PACSIN1: variants seen among roughly 807,000 people sequenced by gnomAD.
PACSIN1 encodes protein kinase C and casein kinase substrate in neurons protein 1.
In PACSIN1, 15 loss-of-function variants were observed where a neutral mutation model predicts 59.5. That is an observed-to-expected ratio of 0.25 (90% CI 0.17 to 0.39). PACSIN1 has a LOEUF of 0.39. Among genes scored for constraint, PACSIN1 ranks in the 10% least tolerant of loss-of-function variants. The pLI is 1.00. For missense variants in PACSIN1, 420 were observed against 580.2 expected, an observed-to-expected ratio of 0.72 and a Z score of 2.84; for synonymous variants, 210 against 220.6, an observed-to-expected ratio of 0.95 and a Z score of 0.42.
intron 1 of PACSIN1, among the ~76,000 whole-genome samples, chr6:34,505,207 G>A (rs980307015): frequency 1.3e-5 from 2 of 151,794 alleles, no homozygotes; most frequent in South Asian, 2.1e-4. Flanking sequence ...TATGTTGCTC[G>A]GCCTGTTTTT....
At chr6:34,483,264 C>T (rs992119573) in intron 1 of PACSIN1, among the ~76,000 whole-genome samples, 3 of 152,188 alleles carry the variant, frequency 2.0e-5, no homozygotes, top group African/African-American at 4.8e-5. Context: ...CCTTGGTCTC[C>T]CAAAGTGCTG....
At chr6:34,526,561 C>A (rs1380401717) in intron 2 of PACSIN1, among the ~76,000 whole-genome samples, 193 bp downstream of exon 2, 2 of 152,248 alleles carry the variant, frequency 1.3e-5, no homozygotes, top group Non-Finnish European at 2.9e-5. Flanking sequence ...CCAGGAGCTC[C>A]TCTCTCCCCA....
rs1232737735 is a variant in PACSIN1 at position 34,516,078 on chromosome 6, G to T, written c.-63-10165G>T. Among the ~76,000 whole-genome samples the T allele has an allele frequency of 6.6e-6, 1 of 152,150 alleles. No individual in the cohort carries two copies. The highest frequency in any genetic ancestry group is 1.5e-5 in the Non-Finnish European group (1 of 68,012). ...GCTAGCCTGCAAGGGGCAGAAGGTT[G>T]ATGTGTGCAACTATGGGCGTGCTTA... is the stretch of plus-strand genomic sequence containing the variant. On this transcript the variant is annotated intron_variant, in intron 1 of 9. Coordinates refer to ENST00000244458, the MANE Select transcript of PACSIN1 (RefSeq NM_020804.5). The surrounding 1 kb of genome is among the most constrained non-coding windows in gnomAD (Gnocchi z 5.4).
intron 1 of PACSIN1, among the ~76,000 whole-genome samples, chr6:34,492,864 G>A (rs962635413): frequency 3.9e-5 from 6 of 152,234 alleles, no homozygotes; most frequent in African/African-American, 1.4e-4. Context: ...TGGATAGTAT[G>A]CTCACTACCT....
chr6:34,513,125 T>C (rs991370655), intron 1 of PACSIN1, among the ~76,000 whole-genome samples: 1 of 152,232 alleles, frequency 6.6e-6, no homozygotes, highest in Non-Finnish European at 1.5e-5. Context: ...GGTAGGTGCC[T>C]AGTCAGTGTC....
intron 1 of PACSIN1, among the ~76,000 whole-genome samples, chr6:34,469,562 A>G (rs1295724955): frequency 1.3e-5 from 2 of 152,216 alleles, no homozygotes; most frequent in Non-Finnish European, 2.9e-5. Context: ...CCCAACAGGC[A>G]ACAGGGTGCC....
rs766163531 is a variant in PACSIN1, at chr6:34,527,502, C to T, written c.220+14C>T. 6.3e-7 allele frequency: 1 copy of T among 1,577,858 alleles called. No individual in the cohort carries two copies. The highest frequency in any genetic ancestry group is 8.6e-7 in the Non-Finnish European group (1 of 1,163,882). ...TCATCGAGAAAGGTGCTCCCCCAGG[C>T]TCACATCGTGCGCGCCCCCAGGCCG... On this transcript the variant is annotated intron_variant, in intron 3 of 9. Coordinates refer to ENST00000244458, the MANE Select transcript of PACSIN1 (RefSeq NM_020804.5).
At chr6:34,508,072 G>T (rs918260349) in intron 1 of PACSIN1, among the ~76,000 whole-genome samples, 5 of 151,336 alleles carry the variant, frequency 3.3e-5, no homozygotes, top group Admixed American at 3.3e-4. Flanking sequence ...ACCCAGAAGT[G>T]GTATTGATGG....
intron 1 of PACSIN1, among the ~76,000 whole-genome samples, chr6:34,491,747 G>A (rs1766880333): frequency 6.6e-6 from 1 of 151,932 alleles, no homozygotes; most frequent in South Asian, 2.1e-4. Context: ...GAATAGCTGG[G>A]ATTACAGGCA....
intron 1 of PACSIN1, among the ~76,000 whole-genome samples, chr6:34,482,668 CTA>C (rs1766735982): frequency 7.2e-6 from 1 of 139,196 alleles, no homozygotes. Flanking sequence ...TATGGTAACT[CTA>C]TGTTTTTGTT....
intron 1 of PACSIN1, among the ~76,000 whole-genome samples, chr6:34,505,168 A>C (rs1336168454): frequency 6.6e-6 from 1 of 151,854 alleles, no homozygotes; most frequent in Non-Finnish European, 1.5e-5. Flanking sequence ...CTGATTTAAA[A>C]ATTTTTTTTT....
At chr6:34,526,910 G>C (rs1767495179) in intron 2 of PACSIN1, among the ~76,000 whole-genome samples, 1 of 152,202 alleles carries the variant, frequency 6.6e-6, no homozygotes, top group South Asian at 2.1e-4. Flanking sequence ...AGCGTTTAAT[G>C]AGATGTCGAC....
chr6:34,502,127 C>T (rs568090230), intron 1 of PACSIN1, among the ~76,000 whole-genome samples: 1 of 151,390 alleles, frequency 6.6e-6, no homozygotes, highest in East Asian at 2.0e-4. Context: ...CACCTGTGAA[C>T]ACTATCTCCT....
chr6:34,497,437 C>T (rs1013150253), intron 1 of PACSIN1, among the ~76,000 whole-genome samples: 3 of 152,118 alleles, frequency 2.0e-5, no homozygotes, highest in African/African-American at 4.8e-5. Flanking sequence ...GAGGAGGCAC[C>T]GTGGAAAGCT....
chr6:34,480,253 C>G (rs1398038298), intron 1 of PACSIN1, among the ~76,000 whole-genome samples: 11 of 130,664 alleles, frequency 8.4e-5, no homozygotes, highest in Admixed American at 4.1e-4. Flanking sequence ...GAGAAAGGAT[C>G]TCACTCTGTC....
chr6:34,514,700 G>GGC lies in PACSIN1; in HGVS notation c.-63-11540_-63-11539dup, dbSNP rs1397828888. Among the ~76,000 whole-genome samples, 105 of 152,340 alleles carry GGC rather than the reference G, an allele frequency of 6.9e-4. No homozygotes were observed. The highest frequency in any genetic ancestry group is 2.5e-3 in the African/African-American group (104 of 41,580). On this transcript the variant is annotated intron_variant, in intron 1 of 9. Transcript: ENST00000244458. The surrounding 1 kb of genome is among the most constrained non-coding windows in gnomAD (Gnocchi z 4.4). ...TATGCATGCGTGCCCATGTTGATGC[G>GGC]GCGCCGTGCGGGAGGCGGGCATCCC...
At chr6:34,523,123 T>TC (rs1009272680) in intron 1 of PACSIN1, among the ~76,000 whole-genome samples, 1 of 152,204 alleles carries the variant, frequency 6.6e-6, no homozygotes, top group Non-Finnish European at 1.5e-5. Flanking sequence ...GCAGGTTACT[T>TC]CGCTGCTCCG....
At chr6:34,469,862 A>T (rs949846866) in intron 1 of PACSIN1, among the ~76,000 whole-genome samples, 7 of 152,218 alleles carry the variant, frequency 4.6e-5, no homozygotes, top group African/African-American at 1.7e-4. Flanking sequence ...GGCTCTGGGG[A>T]GACAGGACCT....
intron 1 of PACSIN1, among the ~76,000 whole-genome samples, chr6:34,487,427 G>A (rs1367070529): frequency 1.3e-5 from 2 of 152,160 alleles, no homozygotes; most frequent in African/African-American, 2.4e-5. Context: ...AGAGTCCCCC[G>A]TGCTCCGGTG....
Sources: allele counts gnomAD v4.1 joint callset (sites outside exome capture counted in the v4.1 genomes callset), GRCh38; gene constraint gnomAD v4.1.1; non-coding constraint Gnocchi (gnomAD v3.1); transcripts MANE v1.5; gene names NCBI Gene and HGNC (gene_info 2026-07-23, HGNC 2026-07-21).